KPNA4: variants seen among roughly 807,000 people sequenced by gnomAD.
KPNA4 encodes the protein importin subunit alpha-3.
Under a neutral mutation model 71.3 loss-of-function variants are expected in KPNA4, and 13 were observed. The ratio of observed to expected loss-of-function variants is 0.18; its 90% CI spans 0.12 to 0.29. The LOEUF is 0.29. KPNA4 is among the 10% of genes least tolerant of loss of function. The pLI, the probability that KPNA4 is intolerant of heterozygous loss-of-function variation, is 1.00. For synonymous variants in KPNA4, 189 were observed against 195.2 expected (o/e 0.97, Z 0.26); for missense variants, 334 against 603.2 (o/e 0.55, Z 4.67).
intron 11 of KPNA4, among the ~76,000 whole-genome samples, chr3:160,521,551 T>C (rs887570739): frequency 2.0e-5 from 3 of 152,134 alleles, no homozygotes; most frequent in African/African-American, 7.2e-5. Context: ...TGTAGTGAGC[T>C]GAGATCACGC....
Position 160,508,225 on chromosome 3 carries a change from G to C in KPNA4, c.1254C>G (p.Asn418Lys), listed in dbSNP as rs755242481. ...IQQNVIPPFC[N>K]LLTVKDAQVV... is the part of the protein sequence containing the mutation. ...CTTGTGCATCTTTTACAGTCAGCAA[G>C]TTGCAAAAAGGTGGGATAACATTTT... The change falls in exon 15 of 17, where the codon AAC (asparagine) becomes AAG (lysine). Residue 418 changes from asparagine (N) to lysine (K), a missense_variant. By Grantham distance (94) the Asn-to-Lys change is moderately conservative. Transcript: ENST00000334256. 1 of 1,610,278 alleles carries C rather than the reference G, an allele frequency of 6.2e-7. No individual in the cohort carries two copies. The highest frequency in any genetic ancestry group is 8.5e-7 in the Non-Finnish European group (1 of 1,178,538).
rs921776525 is a variant in KPNA4 at position 160,497,936 on chromosome 3, A to T, written c.*4168T>A. The T allele has an allele frequency of 5.9e-5, 9 of 152,200 alleles. No individual in the cohort carries two copies. The highest frequency in any genetic ancestry group is 3.3e-4 in the Admixed American group (5 of 15,282). 9.4% of individuals were successfully genotyped at this position (152,200 alleles called of 1,614,324 possible). On this transcript the variant is annotated 3_prime_UTR_variant, in exon 17 of 17. Transcript: ENST00000334256. ...AAACTCTTAGGCAAGCTTCTATAAC[A>T]ATGTTACCCATTCCTTAGTAAACAA...
At chr3:160,517,421 G>C (rs915035888) in intron 11 of KPNA4, among the ~76,000 whole-genome samples, 5 of 152,048 alleles carry the variant, frequency 3.3e-5, no homozygotes, top group Admixed American at 2.6e-4. Flanking sequence ...TGCTGTGAAT[G>C]CTTGTGTATA....
intron 1 of KPNA4, among the ~76,000 whole-genome samples, chr3:160,543,415 A>C (rs1721846520): frequency 6.6e-6 from 1 of 151,466 alleles, no homozygotes; most frequent in African/African-American, 2.4e-5. Flanking sequence ...ACCTCAGCTC[A>C]CTGTAACCTC....
chr3:160,563,120 G>A (rs1462701060), intron 1 of KPNA4, among the ~76,000 whole-genome samples: 1 of 152,180 alleles, frequency 6.6e-6, no homozygotes, highest in Non-Finnish European at 1.5e-5. Context: ...CAATGAAAAT[G>A]TTCATTAACT....
chr3:160,548,062 A>G (rs1448696815), intron 1 of KPNA4, among the ~76,000 whole-genome samples: 1 of 152,184 alleles, frequency 6.6e-6, no homozygotes, highest in Non-Finnish European at 1.5e-5. Flanking sequence ...AAGGCGTGCT[A>G]TTGTTGGGTC....
chr3:160,555,139 C>T (rs1220052224), intron 1 of KPNA4, among the ~76,000 whole-genome samples: 4 of 152,182 alleles, frequency 2.6e-5, no homozygotes, highest in South Asian at 2.1e-4. Flanking sequence ...ACCCAGCAGG[C>T]GTCCGTTGCA....
At chr3:160,532,012 G>A (rs1442117382) in intron 5 of KPNA4, among the ~76,000 whole-genome samples, 1 of 152,130 alleles carries the variant, frequency 6.6e-6, no homozygotes, top group African/African-American at 2.4e-5. Context: ...GGCTGGTCTT[G>A]AACTCCTGAC....
intron 1 of KPNA4, among the ~76,000 whole-genome samples, chr3:160,553,042 C>T (rs992105201): frequency 2.6e-5 from 4 of 151,968 alleles, no homozygotes; most frequent in African/African-American, 9.7e-5. Flanking sequence ...TGGAGAAAGG[C>T]AATAGCAGAA....
intron 7 of KPNA4, among the ~76,000 whole-genome samples, chr3:160,529,506 G>A (rs947155272): frequency 6.6e-6 from 1 of 152,104 alleles, no homozygotes; most frequent in Non-Finnish European, 1.5e-5. Flanking sequence ...TACAACATAA[G>A]TGTCTACAGT....
intron 5 of KPNA4, among the ~76,000 whole-genome samples, chr3:160,533,232 CCAGG>C (rs1239191278): frequency 3.3e-5 from 5 of 152,072 alleles, no homozygotes; most frequent in Non-Finnish European, 7.4e-5. Context: ...ACCATGCTGG[CCAGG>C]CTGGTCTCAA....
At chr3:160,524,619 T>C (rs1721424905) in intron 10 of KPNA4, among the ~76,000 whole-genome samples, 1 of 152,088 alleles carries the variant, frequency 6.6e-6, no homozygotes, top group Non-Finnish European at 1.5e-5. Flanking sequence ...GCTGGGACAA[T>C]AGGCATAAGC....
chr3:160,534,691 TG>T (rs1721646728), intron 5 of KPNA4, among the ~76,000 whole-genome samples: 1 of 124,818 alleles, frequency 8.0e-6, no homozygotes, highest in Admixed American at 1.0e-4. Flanking sequence ...GACTCCAGCC[TG>T]GGCGACAGAG....
At chr3:160,550,879 C>G (rs749756227) in intron 1 of KPNA4, among the ~76,000 whole-genome samples, 6 of 152,180 alleles carry the variant, frequency 3.9e-5, no homozygotes, top group Non-Finnish European at 7.4e-5. Flanking sequence ...GGTATGTGAT[C>G]CTTTTAATGT....
chr3:160,550,891 C>CTAT (rs1272969915), intron 1 of KPNA4, among the ~76,000 whole-genome samples: 1 of 152,176 alleles, frequency 6.6e-6, no homozygotes, highest in East Asian at 1.9e-4. Flanking sequence ...TTTTAATGTG[C>CTAT]TATTGGATTT....
intron 1 of KPNA4, among the ~76,000 whole-genome samples, chr3:160,562,556 T>C (rs929300558): frequency 3.9e-5 from 6 of 152,178 alleles, no homozygotes; most frequent in Admixed American, 2.0e-4. Flanking sequence ...GATATGTAAG[T>C]AACAAATACA....
rs1381734909 is a variant in KPNA4, at chr3:160,565,477, C to CGCGACT, written c.-201_-196dup. 1 of 565,792 alleles carries CGCGACT rather than the reference C, an allele frequency of 1.8e-6. No individual in the cohort carries two copies. Among genetic ancestry groups the CGCGACT allele is most frequent in the Admixed American group, 3.3e-5 (1 of 30,180 alleles). The allele number at this position is 565,792 out of a possible 1,614,324, so 35.0% of individuals were successfully genotyped here. A position where few individuals can be genotyped will look rare whatever the true frequency, so the allele number is the denominator to read the frequency against. On this transcript the variant is annotated 5_prime_UTR_variant, in exon 1 of 17. Coordinates refer to ENST00000334256, the MANE Select transcript of KPNA4 (RefSeq NM_002268.5). The stretch of plus-strand genomic sequence containing the variant: ...GCCCGCCCCCCCGCCCTAACCCCAG[C>CGCGACT]GCGACTGCAGCTCCGGCAAAGACAA...
intron 1 of KPNA4, among the ~76,000 whole-genome samples, chr3:160,560,133 T>G (rs1014215956): frequency 3.3e-5 from 5 of 152,100 alleles, no homozygotes; most frequent in Non-Finnish European, 7.4e-5. Context: ...ACATAGAACC[T>G]TTTCATCAAA....
intron 6 of KPNA4, 41 bp downstream of exon 6, chr3:160,531,421 A>G: frequency 9.9e-7 from 1 of 1,009,794 alleles, no homozygotes. Flanking sequence ...TCCAAAGGAT[A>G]CATTCTAAAT....
Sources: allele counts gnomAD v4.1 joint callset (sites outside exome capture counted in the v4.1 genomes callset), GRCh38; gene constraint gnomAD v4.1.1; transcripts MANE v1.5; gene names NCBI Gene and HGNC (gene_info 2026-07-23, HGNC 2026-07-21).